The following SMC4 variants were observed in gnomAD, a reference collection of about 807,000 sequenced individuals.
The protein encoded by SMC4 is structural maintenance of chromosomes 4, also known as structural maintenance of chromosomes protein 4.
SMC4 carries 87 observed loss-of-function variants against 145.6 expected under a neutral mutation model. The observed-to-expected ratio is 0.60, with a 90% CI of 0.50 to 0.71. SMC4 has a LOEUF of 0.71. SMC4 is among the 30% of genes least tolerant of loss of function. The pLI is 0.00. For synonymous variants in SMC4, 558 were observed against 500.7 expected (o/e 1.11, Z -1.53); for missense variants, 1,447 against 1,537.1 (o/e 0.94, Z 0.98).
chr3:160,423,346 T>G (rs932196075), intron 13 of SMC4, 79 bp from the exon 14 acceptor site: 18 of 997,358 alleles, frequency 1.8e-5, no homozygotes, highest in Non-Finnish European at 2.3e-5. Flanking sequence ...TTTATTCCTA[T>G]GGGTTTTTTT....
At position 160,420,810 on chromosome 3, in the gene SMC4, T is replaced by C; in HGVS notation, c.1928T>C (p.Ile643Thr). 1 of 1,614,034 alleles carries C rather than the reference T, an allele frequency of 6.2e-7. No individual in the cohort carries two copies. The highest frequency in any genetic ancestry group is 1.1e-5 in the South Asian group (1 of 91,052). The stretch of plus-strand genomic sequence containing the variant: ...TCCTGTTGTCATGCACTGGACTACA[T>C]TGTTGTTGATTCTATTGATATAGCC... ...ISSCCHALDY[I>T]VVDSIDIAQE... Residue 643 changes from isoleucine to threonine, a missense_variant, in exon 13 of 24, where the codon ATT (isoleucine) becomes ACT (threonine). Physicochemically the swap from Ile to Thr is moderately conservative, Grantham distance 89. Coordinates refer to ENST00000357388, the MANE Select transcript of SMC4 (RefSeq NM_001002800.3).
intron 2 of SMC4, among the ~76,000 whole-genome samples, chr3:160,401,645 A>G (rs1714673779): frequency 6.6e-6 from 1 of 152,194 alleles, no homozygotes; most frequent in Admixed American, 6.5e-5. Context: ...TTGACTCTTA[A>G]GAGGTATAGG....
chr3:160,411,026 G>C (rs758228079), intron 5 of SMC4, among the ~76,000 whole-genome samples: 1 of 152,146 alleles, frequency 6.6e-6, no homozygotes, highest in Non-Finnish European at 1.5e-5. Flanking sequence ...CATTTGGCCT[G>C]AACATACTCA....
chr3:160,429,778 G>A (rs1293878430), intron 18 of SMC4, among the ~76,000 whole-genome samples: 4 of 146,480 alleles, frequency 2.7e-5, no homozygotes, highest in African/African-American at 7.6e-5. Flanking sequence ...GTACAGTGGC[G>A]CGATCTCGGC....
At chr3:160,406,444 G>T (rs1269144673) in intron 5 of SMC4, among the ~76,000 whole-genome samples, 1 of 152,006 alleles carries the variant, frequency 6.6e-6, no homozygotes, top group Non-Finnish European at 1.5e-5. Flanking sequence ...CTCCTAACTG[G>T]CAATTTAAAG....
chr3:160,414,230 G>A (rs772944522), intron 8 of SMC4, 137 bp from the exon 9 acceptor site: 1 of 739,110 alleles, frequency 1.4e-6, no homozygotes. Flanking sequence ...GGATCATCTT[G>A]GAATAAGGAG....
At chr3:160,420,165 T>C (rs1717017608) in intron 12 of SMC4, among the ~76,000 whole-genome samples, 1 of 152,164 alleles carries the variant, frequency 6.6e-6, no homozygotes, top group Non-Finnish European at 1.5e-5. Context: ...CCTCCAGTCT[T>C]AGCTGAAACC....
chr3:160,429,770 A>G (rs113434160), intron 18 of SMC4, among the ~76,000 whole-genome samples: 5,287 of 143,306 alleles, frequency 0.037, 284 homozygotes, highest in African/African-American at 0.12. Context: ...AGGCTGGAGT[A>G]CAGTGGCGCG....
In SMC4 at chr3:160,417,726, C is replaced by T. The variant is rs752681997; in HGVS notation, c.1441C>T (p.Arg481Ter). The change falls in exon 11 of 24, where the codon CGA (arginine) becomes TGA (stop). Residue 481 changes from arginine to a stop codon, truncating the protein, a stop_gained. Transcript: ENST00000357388. LOFTEE classifies it high-confidence loss of function. ...TAATGAACTCATATTTTAACAGAGT[C>T]GAGAGAAAGAACTTATGGGTTTCAG... ...TQGLQKEKES[R>*]EKELMGFSKS... 3.1e-6 allele frequency: 5 copies of T among 1,608,444 alleles called. No homozygotes were observed. The highest frequency in any genetic ancestry group is 3.4e-6 in the Non-Finnish European group (4 of 1,178,256).
intron 2 of SMC4, 124 bp downstream of exon 2, chr3:160,401,089 C>T (rs1027198151): frequency 8.1e-6 from 10 of 1,238,704 alleles, no homozygotes; most frequent in African/African-American, 1.6e-5. Context: ...GGTGTCGGTC[C>T]GGTAGAGGCT....
intron 21 of SMC4, 132 bp from the exon 22 acceptor site, chr3:160,432,151 G>A (rs1279316824): frequency 1.3e-5 from 9 of 710,994 alleles, no homozygotes; most frequent in African/African-American, 1.8e-5. Context: ...GCCGTGAGCC[G>A]AGATCGCGCC....
intron 22 of SMC4, 73 bp downstream of exon 22, chr3:160,432,588 G>C (rs1718528329): frequency 9.9e-7 from 1 of 1,010,282 alleles, no homozygotes; most frequent in Admixed American, 3.0e-5. Flanking sequence ...AGTATTTCTT[G>C]GAGGTAGGAT....
At position 160,424,671 on chromosome 3, in the gene SMC4, G is replaced by T. The variant is rs553140079; in HGVS notation, c.2326-196G>T. Among the ~76,000 whole-genome samples the T allele has an allele frequency of 3.9e-5, 6 of 152,290 alleles. No individual in the cohort carries two copies. The East Asian group carries it at 1.2e-3, about 29-fold the overall frequency. ...AAAACACAAAAATTAGCCGGGCGTG[G>T]TGGCACGCACCTGTAACAGTCCCAG... is the stretch of plus-strand genomic sequence containing the variant. On this transcript the variant is annotated intron_variant, in intron 15 of 23. Coordinates refer to ENST00000357388, the MANE Select transcript of SMC4 (RefSeq NM_001002800.3).
Position 160,425,019 on chromosome 3 carries a change from GGTAT to G in SMC4, c.2478+3_2478+6del, listed in dbSNP as rs1278449931. The G allele has an allele frequency of 2.3e-5, 28 of 1,226,914 alleles. No individual in the cohort carries two copies. Among genetic ancestry groups the G allele is most frequent in the Middle Eastern group, 2.3e-4 (1 of 4,342 alleles). 76.0% of individuals were successfully genotyped at this position (1,226,914 alleles called of 1,614,324 possible). A position where few individuals can be genotyped will look rare whatever the true frequency, so the allele number is the denominator to read the frequency against. On this transcript the variant is annotated splice_donor_variant and splice_donor_region_variant and intron_variant, in intron 16 of 23. Transcript: ENST00000357388. LOFTEE classifies it high-confidence loss of function. ...TAGAAAAATTTACTGCAAGCATCCA[GGTAT>G]GTGTGTGTGTGTGTGTGTGTGTGTG...
chr3:160,434,894 CTG>C lies in SMC4; in HGVS notation c.*1087_*1088del, dbSNP rs1310155290. On this transcript the variant is annotated 3_prime_UTR_variant, in exon 24 of 24. Coordinates refer to ENST00000357388, the MANE Select transcript of SMC4 (RefSeq NM_001002800.3). ...TCCAACAGTTTCTATCATAATGTAA[CTG>C]TAAAAATGTAAACACATTATTAGCA... The C allele has an allele frequency of 1.6e-4, 25 of 152,016 alleles. No individual in the cohort carries two copies. Among genetic ancestry groups the C allele is most frequent in the East Asian group, 1.9e-4 (1 of 5,190 alleles). The allele number at this position is 152,016 out of a possible 1,614,324, so 9.4% of individuals were successfully genotyped here. A position where few individuals can be genotyped will look rare whatever the true frequency, so the allele number is the denominator to read the frequency against.
chr3:160,431,607 T>A, intron 20 of SMC4, 36 bp from the exon 21 acceptor site: 1 of 1,446,910 alleles, frequency 6.9e-7, no homozygotes, highest in Non-Finnish European at 9.4e-7. Flanking sequence ...TGTAATATTA[T>A]GCCTTCTCTA....
intron 5 of SMC4, among the ~76,000 whole-genome samples, chr3:160,408,560 T>A (rs1490814942): frequency 6.6e-6 from 1 of 152,276 alleles, no homozygotes; most frequent in African/African-American, 2.4e-5. Context: ...TGTCTGTGAT[T>A]GTGCCAGTCA....
chr3:160,423,923 C>A, intron 15 of SMC4, 83 bp downstream of exon 15: 2 of 1,048,140 alleles, frequency 1.9e-6, no homozygotes, highest in Non-Finnish European at 1.3e-6. Context: ...CAAAATTTGG[C>A]CATTTTAAGT....
chr3:160,428,974 C>T lies in SMC4; in HGVS notation c.2795+32C>T, dbSNP rs1009205211. ...TATGCATGTTACCCTAACTTGTTTTCCCTTTCCCTGCCTTCACATTGGAAA... is the reference window on the plus strand; with the variant it reads ...TATGCATGTTACCCTAACTTGTTTTTCCTTTCCCTGCCTTCACATTGGAAA... On this transcript the variant is annotated intron_variant, in intron 18 of 23. Coordinates refer to ENST00000357388, the MANE Select transcript of SMC4 (RefSeq NM_001002800.3). 26 of 1,516,640 alleles carry T rather than the reference C, an allele frequency of 1.7e-5. No homozygotes were observed. In the Admixed American group the frequency reaches 4.5e-4, roughly 26 times the overall value. The allele number at this position is 1,516,640 out of a possible 1,614,324, so 93.9% of individuals were successfully genotyped here.
Sources: gnomAD v4.1 joint callset for allele counts (sites outside exome capture counted in the v4.1 genomes callset) on GRCh38, gnomAD v4.1.1 for gene constraint, MANE v1.5 for transcripts, NCBI Gene and HGNC (gene_info 2026-07-23, HGNC 2026-07-21) for gene names.